Variants in CALN1 observed in about 807,000 individuals in gnomAD.
CALN1 encodes the protein calcium-binding protein 8.
A neutral mutation model predicts 30.6 loss-of-function variants in CALN1; 17 were observed. The observed-to-expected ratio is 0.56, with a 90% CI of 0.38 to 0.83. The LOEUF is 0.83. Among genes scored for constraint, CALN1 ranks in the 40% least tolerant of loss-of-function variants. The pLI is 0.00. For missense variants in CALN1, 291 were observed against 354.9 expected (o/e 0.82, Z 1.45); for synonymous variants, 156 against 131.4 (o/e 1.19, Z -1.28).
chr7:72,033,354 C>G (rs1801578839), intron 4 of CALN1, among the ~76,000 whole-genome samples: 1 of 152,110 alleles, frequency 6.6e-6, no homozygotes, highest in Non-Finnish European at 1.5e-5. Context: ...CAAAGGGTAA[C>G]AAGAAGAAAA....
At chr7:71,923,476 G>T (rs965489196) in intron 5 of CALN1, among the ~76,000 whole-genome samples, 1 of 152,164 alleles carries the variant, frequency 6.6e-6, no homozygotes, top group Non-Finnish European at 1.5e-5. Context: ...AACCTCAATA[G>T]TATGTCATTC....
At chr7:72,367,050 T>A (rs939623548) in intron 2 of CALN1, among the ~76,000 whole-genome samples, 1 of 144,596 alleles carries the variant, frequency 6.9e-6, no homozygotes, top group African/African-American at 2.9e-5. Flanking sequence ...ACAAATATAA[T>A]GTTGAGTCAA....
intron 5 of CALN1, among the ~76,000 whole-genome samples, chr7:71,970,946 T>C (rs1797763846): frequency 1.3e-5 from 2 of 152,308 alleles, no homozygotes; most frequent in South Asian, 4.1e-4. Context: ...TCCAAGCCTG[T>C]GCAGGTTCAC....
chr7:72,436,214 T>C (rs1175430035), intron 1 of CALN1, among the ~76,000 whole-genome samples: 1 of 152,202 alleles, frequency 6.6e-6, no homozygotes, highest in African/African-American at 2.4e-5. Context: ...ATTGTAGCCA[T>C]AATCCCCACG....
At chr7:72,499,005 G>A in the CALN1 span, among the ~76,000 whole-genome samples, 1 of 151,882 alleles carries the variant, frequency 6.6e-6, no homozygotes, top group Non-Finnish European at 1.5e-5. Context: ...TTAATATTGG[G>A]GCAAATATAA....
intron 1 of CALN1, among the ~76,000 whole-genome samples, chr7:72,410,235 ACTT>A (rs1157682445): frequency 6.6e-6 from 1 of 152,176 alleles, no homozygotes; most frequent in Non-Finnish European, 1.5e-5. Context: ...TGTCAAATCT[ACTT>A]AACTGCTTAT....
rs1335217022 is a variant in CALN1, at chr7:71,785,697, C to T, written c.*2078G>A. The T allele has an allele frequency of 6.6e-6, 1 of 152,222 alleles. No individual in the cohort carries two copies. The highest frequency in any genetic ancestry group is 1.5e-5 in the Non-Finnish European group (1 of 68,082). The allele number at this position is 152,222 out of a possible 1,614,324, so 9.4% of individuals were successfully genotyped here. On this transcript the variant is annotated 3_prime_UTR_variant, in exon 7 of 7. Transcript: ENST00000395275. The stretch of plus-strand genomic sequence containing the variant: ...GTCCAGATGGGAGAGGGCAAACTGC[C>T]CAGGGCAGAGATTAAGGATGAAGTT...
chr7:72,375,163 AG>A (rs1804483325), intron 2 of CALN1, among the ~76,000 whole-genome samples: 1 of 152,196 alleles, frequency 6.6e-6, no homozygotes, highest in Non-Finnish European at 1.5e-5. Flanking sequence ...TAGTTTGTCT[AG>A]GGCAAAAGTC....
chr7:71,865,893 T>G (rs908236608), intron 5 of CALN1, among the ~76,000 whole-genome samples: 11 of 152,192 alleles, frequency 7.2e-5, no homozygotes, highest in African/African-American at 2.7e-4. Context: ...AATATTTATG[T>G]GAAACAAGTC....
chr7:72,309,807 T>G (rs1799918415), intron 2 of CALN1, among the ~76,000 whole-genome samples: 1 of 152,138 alleles, frequency 6.6e-6, no homozygotes, highest in African/African-American at 2.4e-5. Flanking sequence ...CTCTACTCTC[T>G]CCTGAAACGA....
At chr7:72,126,547 G>A (rs1808777755) in intron 3 of CALN1, among the ~76,000 whole-genome samples, 1 of 152,032 alleles carries the variant, frequency 6.6e-6, no homozygotes, top group Non-Finnish European at 1.5e-5. Flanking sequence ...AGATTCTGGT[G>A]CACCTGTCAA....
intron 3 of CALN1, among the ~76,000 whole-genome samples, chr7:72,276,025 A>C (rs1043037576): frequency 6.6e-6 from 1 of 152,222 alleles, no homozygotes; most frequent in African/African-American, 2.4e-5. Flanking sequence ...TTGATCATTC[A>C]TGGCAAAGTT....
chr7:72,019,314 G>A (rs1800576729), intron 5 of CALN1, among the ~76,000 whole-genome samples: 1 of 152,122 alleles, frequency 6.6e-6, no homozygotes, highest in Admixed American at 6.5e-5. Flanking sequence ...AGAAGTTGAA[G>A]TCCAATTACA....
intron 6 of CALN1, among the ~76,000 whole-genome samples, chr7:71,802,687 A>G (rs1787377515): frequency 1.3e-5 from 2 of 152,082 alleles, no homozygotes; most frequent in South Asian, 2.1e-4. Context: ...GGCTATGGTA[A>G]TTTTTCCAAA....
At chr7:71,839,549 T>C (rs947318832) in intron 5 of CALN1, among the ~76,000 whole-genome samples, 5 of 152,154 alleles carry the variant, frequency 3.3e-5, no homozygotes, top group African/African-American at 1.2e-4. Context: ...TTTCTGGTTA[T>C]CACTGCTGTA....
chr7:72,131,569 C>A (rs1195500185), intron 3 of CALN1, among the ~76,000 whole-genome samples: 2 of 152,138 alleles, frequency 1.3e-5, no homozygotes, highest in Admixed American at 6.5e-5. Flanking sequence ...ACAGCTTTAC[C>A]TCCACTCCAT....
At chr7:72,071,182 G>A (rs1331407538) in intron 4 of CALN1, among the ~76,000 whole-genome samples, 2 of 152,176 alleles carry the variant, frequency 1.3e-5, no homozygotes, top group Non-Finnish European at 2.9e-5. Context: ...GCAGGGAGAT[G>A]TGCACATGTT....
intron 3 of CALN1, among the ~76,000 whole-genome samples, chr7:72,191,419 C>G (rs896374970): frequency 2.6e-5 from 4 of 151,928 alleles, no homozygotes; most frequent in South Asian, 2.1e-4. Context: ...CTGGCCAACA[C>G]AGTGAAACCC....
At chr7:72,306,396 T>C (rs767305691) in intron 2 of CALN1, among the ~76,000 whole-genome samples, 1 of 152,198 alleles carries the variant, frequency 6.6e-6, no homozygotes, top group African/African-American at 2.4e-5. Flanking sequence ...GCAGCCACTA[T>C]AAGCCTTCAG....
Sources: allele counts gnomAD v4.1 joint callset (sites outside exome capture counted in the v4.1 genomes callset), GRCh38; gene constraint gnomAD v4.1.1; transcripts MANE v1.5; gene names NCBI Gene and HGNC (gene_info 2026-07-23, HGNC 2026-07-21).